BMP4: variants seen among roughly 807,000 people sequenced by gnomAD.
BMP4 encodes bone morphogenetic protein 4.
A neutral mutation model predicts 29.6 loss-of-function variants in BMP4; 3 were observed. The ratio of observed to expected loss-of-function variants is 0.10; its 90% CI spans 0.05 to 0.26. BMP4 has a LOEUF of 0.26. Among genes scored for constraint, BMP4 ranks in the 10% least tolerant of loss-of-function variants. BMP4 has a pLI of 1.00. For synonymous variants in BMP4, 197 were observed against 213.2 expected (o/e 0.92, Z 0.66); for missense variants, 455 against 550.2 (o/e 0.83, Z 1.73).
chr14:53,952,903 G>A (rs1403548850), intron 2 of BMP4, among the ~76,000 whole-genome samples: 3 of 152,176 alleles, frequency 2.0e-5, no homozygotes, highest in Non-Finnish European at 4.4e-5. Context: ...AGACGATTCC[G>A]GAGAGACCTC....
At chr14:53,952,336 C>T (rs2140238857) in intron 2 of BMP4, 107 bp from the exon 3 acceptor site, 1 of 1,353,632 alleles carries the variant, frequency 7.4e-7, no homozygotes, top group South Asian at 1.4e-5. Flanking sequence ...AATGGAGGGG[C>T]AAGATGGAAA....
chr14:53,953,434 C>A (rs1268460138), intron 1 of BMP4, 34 bp from the exon 2 acceptor site: 1 of 398,812 alleles, frequency 2.5e-6, no homozygotes, highest in Non-Finnish European at 4.4e-6. Flanking sequence ...TGAGACTCCA[C>A]CGCAGACAGG....
chr14:53,953,946 C>A (rs1299733008), intron 1 of BMP4, among the ~76,000 whole-genome samples: 2 of 151,852 alleles, frequency 1.3e-5, no homozygotes, highest in African/African-American at 4.8e-5. Flanking sequence ...CACACACACA[C>A]AAGCAAACAC....
chr14:53,954,102 T>A lies in BMP4; in HGVS notation c.-132-702A>T, dbSNP rs1433695567. Among the ~76,000 whole-genome samples, 1 of 151,738 alleles carries A rather than the reference T, an allele frequency of 6.6e-6. No homozygotes were observed. The highest frequency in any genetic ancestry group is 1.9e-4 in the East Asian group (1 of 5,138). ...TCCCGGCTGAAAGCAGCCGACCTTG[T>A]CACGCGCGGGGCCGGGAATGGGAGG... is the stretch of plus-strand genomic sequence containing the variant. On this transcript the variant is annotated intron_variant, in intron 1 of 3. Coordinates refer to ENST00000245451, the MANE Select transcript of BMP4 (RefSeq NM_001202.6). The surrounding 1 kb of genome is among the most constrained non-coding windows in gnomAD (Gnocchi z 4.8).
intron 3 of BMP4, chr14:53,951,627 C>T (rs1895415583): frequency 6.2e-6 from 4 of 648,676 alleles, no homozygotes; most frequent in Non-Finnish European, 1.0e-5. Context: ...GGGGCTAGCC[C>T]ACGTCTGAGT....
In BMP4 at chr14:53,952,130, C is replaced by G. The variant is rs375563326; in HGVS notation, c.93G>C (p.Gly31=). Residue 31 remains glycine, a synonymous_variant, in exon 3 of 4, where the codon GGG becomes GGC. Coordinates refer to ENST00000245451, the MANE Select transcript of BMP4 (RefSeq NM_001202.6). ...CCTGAATCTCGGCGACTTTTTTCTT[C>G]CCCGTCTCAGGTATCAAACTAGCAT... ...ASHASLIPET[G]KKKVAEIQGH... 9.1e-5 allele frequency: 147 copies of G among 1,613,614 alleles called. No homozygotes were observed. Among genetic ancestry groups the G allele is most frequent in the Non-Finnish European group, 1.2e-4 (139 of 1,179,648 alleles).
At position 53,956,746 on chromosome 14, in the gene BMP4, A is replaced by G. The variant is rs956749737; in HGVS notation, c.-329T>C. 43 of 399,492 alleles carry G rather than the reference A, an allele frequency of 1.1e-4. No individual in the cohort carries two copies. The highest frequency in any genetic ancestry group is 3.1e-4 in the Admixed American group (7 of 22,704). The allele number at this position is 399,492 out of a possible 1,614,324, so 24.7% of individuals were successfully genotyped here. Reference sequence around the variant, plus strand: ...CTCAGGCTCGCGTCCCTCAGCTCGGATGCCACACTCACCTAGCTTCCGGGC... The same window carrying G: ...CTCAGGCTCGCGTCCCTCAGCTCGGGTGCCACACTCACCTAGCTTCCGGGC... On this transcript the variant is annotated 5_prime_UTR_variant, in exon 1 of 4. Transcript: ENST00000245451.
chr14:53,953,591 C>T (rs2761882), intron 1 of BMP4, 191 bp from the exon 2 acceptor site: 183,725 of 357,118 alleles, frequency 0.51, 47,504 homozygotes, highest in Middle Eastern at 0.54. Context: ...AACCTCCGCG[C>T]CCGCCGCCCG....
At chr14:53,952,534 G>A (rs1306669022) in intron 2 of BMP4, among the ~76,000 whole-genome samples, 1 of 151,992 alleles carries the variant, frequency 6.6e-6, no homozygotes, top group Non-Finnish European at 1.5e-5. Flanking sequence ...CTGCTATCTG[G>A]GCCATGATCT....
Position 53,956,654 on chromosome 14 carries a change from G to C in BMP4, c.-237C>G, listed in dbSNP as rs1012821360. ...CCGGGGACTGTGGCGCTGCAGGCTC[G>C]AGATAGCTTGGACGGGAATCCCATC... On this transcript the variant is annotated 5_prime_UTR_variant, in exon 1 of 4. Transcript: ENST00000245451. 2 of 399,054 alleles carry C rather than the reference G, an allele frequency of 5.0e-6. No homozygotes were observed. Among genetic ancestry groups the C allele is most frequent in the Admixed American group, 4.4e-5 (1 of 22,714 alleles). The allele number at this position is 399,054 out of a possible 1,614,324, so 24.7% of individuals were successfully genotyped here. A position where few individuals can be genotyped will look rare whatever the true frequency, so the allele number is the denominator to read the frequency against.
In BMP4 at chr14:53,953,360, T is replaced by C. The variant is rs754756046; in HGVS notation, c.-92A>G. 32 of 399,124 alleles carry C rather than the reference T, an allele frequency of 8.0e-5. No individual in the cohort carries two copies. Among genetic ancestry groups the C allele is most frequent in the Non-Finnish European group, 1.2e-4 (27 of 226,166 alleles). 24.7% of individuals were successfully genotyped at this position (399,124 alleles called of 1,614,324 possible). ...ACTTGCTGGAAAGGCTCAGGGAAGC[T>C]GCAGCAGTGCGTTGCTCGGGATGGC... On this transcript the variant is annotated 5_prime_UTR_variant, in exon 2 of 4. Transcript: ENST00000245451.
In BMP4 at chr14:53,956,819, A is replaced by G; in HGVS notation, c.-402T>C. 2.5e-6 allele frequency: 1 copy of G among 396,790 alleles called. No individual in the cohort carries two copies. Among genetic ancestry groups the G allele is most frequent in the South Asian group, 1.4e-4 (1 of 7,128 alleles). 24.6% of individuals were successfully genotyped at this position (396,790 alleles called of 1,614,324 possible). A position where few individuals can be genotyped will look rare whatever the true frequency, so the allele number is the denominator to read the frequency against. ...CCTCCCTCCTCCTCTGCCTTCTCGC[A>G]TCTTCCTTCCTCCTCTTTCCCTCCC... On this transcript the variant is annotated 5_prime_UTR_variant, in exon 1 of 4. It removes an upstream start codon present in the reference 5' UTR. Transcript: ENST00000245451.
chr14:53,952,391 CG>C (rs1164285799), intron 2 of BMP4, among the ~76,000 whole-genome samples, 162 bp from the exon 3 acceptor site: 1 of 150,678 alleles, frequency 6.6e-6, no homozygotes, highest in African/African-American at 2.4e-5. Context: ...TCACACCACC[CG>C]CCCACCCACC....
chr14:53,956,862 T>G, upstream of BMP4: 1 of 387,840 alleles, frequency 2.6e-6, no homozygotes. Flanking sequence ...CTTTCTTTCC[T>G]TCCTCCTCCT....
intron 1 of BMP4, 82 bp from the exon 2 acceptor site, chr14:53,953,482 G>T (rs1046130830): frequency 7.6e-6 from 3 of 396,940 alleles, no homozygotes; most frequent in South Asian, 1.3e-4. Flanking sequence ...TCACGTGAGC[G>T]CCGAGGCCCC....
Position 53,949,997 on chromosome 14 carries a change from G to A in BMP4, c.*35C>T. The A allele has an allele frequency of 6.2e-7, 1 of 1,611,888 alleles. No individual in the cohort carries two copies. Among genetic ancestry groups the A allele is most frequent in the Non-Finnish European group, 8.5e-7 (1 of 1,179,070 alleles). On this transcript the variant is annotated 3_prime_UTR_variant, in exon 4 of 4. Transcript: ENST00000245451. ...GGTGTATGTGGTGTGTGTGTGTGGTGTGTATATCTGTCTATCCTCAAGGAC... is the reference window on the plus strand; with the variant it reads ...GGTGTATGTGGTGTGTGTGTGTGGTATGTATATCTGTCTATCCTCAAGGAC...
intron 1 of BMP4, 118 bp downstream of exon 1, chr14:53,956,432 A>G (rs1895720677): frequency 2.5e-6 from 1 of 397,606 alleles, no homozygotes; most frequent in African/African-American, 2.1e-5. Context: ...CAGCACCACT[A>G]TTGGAAAATA....
In BMP4 at chr14:53,955,562, G is replaced by A. The variant is rs1174061915; in HGVS notation, c.-133+988C>T. On this transcript the variant is annotated intron_variant, in intron 1 of 3. Coordinates refer to ENST00000245451, the MANE Select transcript of BMP4 (RefSeq NM_001202.6). The surrounding 1 kb of genome is among the most constrained non-coding windows in gnomAD (Gnocchi z 4.0). ...GAATCTTCTCCTAATGCCGAAATGT[G>A]TTTACAGGTAGCCTCAGTTTACCAA... 1 of 152,234 alleles carries A rather than the reference G, an allele frequency of 6.6e-6. No homozygotes were observed. Among genetic ancestry groups the A allele is most frequent in the African/African-American group, 2.4e-5 (1 of 41,456 alleles). 9.4% of individuals were successfully genotyped at this position (152,234 alleles called of 1,614,324 possible). A position where few individuals can be genotyped will look rare whatever the true frequency, so the allele number is the denominator to read the frequency against.
rs906781450 is a variant in BMP4, at chr14:53,955,845, C to A, written c.-133+705G>T. On this transcript the variant is annotated intron_variant, in intron 1 of 3. Coordinates refer to ENST00000245451, the MANE Select transcript of BMP4 (RefSeq NM_001202.6). This position sits in a 1 kb window ranked among gnomAD's most constrained non-coding sequence, Gnocchi z 4.0. ...TAGGACACGACACCGCAGGAACAAG[C>A]GTCCTGGGAGCCCCTGGGATCTTGG... 2.6e-5 allele frequency: 4 copies of A among 152,222 alleles called. No homozygotes were observed. The highest frequency in any genetic ancestry group is 4.8e-5 in the African/African-American group (2 of 41,448). 9.4% of individuals were successfully genotyped at this position (152,222 alleles called of 1,614,324 possible).
Sources: gnomAD v4.1 joint callset for allele counts (sites outside exome capture counted in the v4.1 genomes callset) on GRCh38, gnomAD v4.1.1 for gene constraint, Gnocchi (gnomAD v3.1) non-coding constraint, MANE v1.5 for transcripts, NCBI Gene and HGNC (gene_info 2026-07-23, HGNC 2026-07-21) for gene names.